PLCXD1: variants seen among roughly 807,000 people sequenced by gnomAD.
PLCXD1 encodes phosphatidylinositol specific phospholipase C X domain containing 1.
In PLCXD1, 45 loss-of-function variants were observed where a neutral mutation model predicts 37.8. The ratio of observed to expected loss-of-function variants is 1.19; its 90% confidence interval spans 0.94 to 1.53. PLCXD1 has a LOEUF of 1.53. PLCXD1 is among the 40% of genes most tolerant of loss of function. The probability of loss-of-function intolerance (pLI) is 0.00; values close to 1 mark genes in which losing one functional copy is unlikely to be tolerated. For synonymous variants in PLCXD1, 246 were observed against 206.9 expected, an observed-to-expected ratio of 1.19 and a Z score of -1.62; for missense variants, 539 against 454.7, an observed-to-expected ratio of 1.19 and a Z score of -1.69.
rs369707291 is a variant in PLCXD1, at chrX:299,287, C to G, written c.924C>G (p.Gly308=). 2 of 1,613,800 alleles carry G rather than the reference C, an allele frequency of 1.2e-6. No individual in the cohort carries two copies. Residue 308 remains glycine, a synonymous_variant, in exon 7 of 7, where the codon GGC becomes GGG. Transcript: ENST00000381657. ...CGGGGGACTTCATCGGCGCAGACGG[C>G]TTCGTCAGTGACGTCATCGCGCTCA... ...IIAGDFIGAD[G]FVSDVIALNQ... is the part of the protein sequence containing the mutation.
Position 299,084 on chromosome X carries a change from C to G in PLCXD1, c.734-13C>G. On this transcript the variant is annotated splice_polypyrimidine_tract_variant and intron_variant, in intron 6 of 6. Transcript: ENST00000381657. ...CGTGACCGTGTAACCTCTCCCCACC[C>G]TCACCGTTGCAGGAGGGTTGTTCGT... is the stretch of plus-strand genomic sequence containing the variant. 1 of 1,601,612 alleles carries G rather than the reference C, an allele frequency of 6.2e-7. No homozygotes were observed. Among genetic ancestry groups the G allele is most frequent in the Non-Finnish European group, 8.6e-7 (1 of 1,168,680 alleles).
chrX:295,874 C>T (rs2069790302), intron 6 of PLCXD1, among the ~76,000 whole-genome samples: 1 of 151,876 alleles, frequency 6.6e-6, no homozygotes, highest in South Asian at 2.1e-4. Context: ...GAGTTTTGCT[C>T]TTGTTGCCCA....
intron 2 of PLCXD1, among the ~76,000 whole-genome samples, chrX:287,232 T>G (rs1330742041): frequency 7.0e-6 from 1 of 142,710 alleles, no homozygotes; most frequent in Non-Finnish European, 1.5e-5. Flanking sequence ...TATTTATATT[T>G]ATATATAATA....
rs1398161775 is a variant in PLCXD1 at position 299,350 on chromosome X, A to C, written c.*15A>C. The C allele has an allele frequency of 6.3e-7, 1 of 1,576,900 alleles. No homozygotes were observed. Among genetic ancestry groups the C allele is most frequent in the Non-Finnish European group, 8.7e-7 (1 of 1,146,386 alleles). On this transcript the variant is annotated 3_prime_UTR_variant, in exon 7 of 7. Transcript: ENST00000381657. The stretch of plus-strand genomic sequence containing the variant: ...TGTGGTGCTGACGGGACCCTTCTGA[A>C]GTTCGGGACGCGGCGGCTGCAGTTT...
chrX:288,992 C>T (rs1045024174), intron 3 of PLCXD1, 123 bp downstream of exon 3: 151 of 906,816 alleles, frequency 1.7e-4, no homozygotes, highest in Non-Finnish European at 2.5e-4. Context: ...GCTCAGGAGG[C>T]AGGTTCCTAT....
chrX:277,317 C>G (rs1433627092), upstream of PLCXD1, among the ~76,000 whole-genome samples: 21 of 44,592 alleles, frequency 4.7e-4, no homozygotes, highest in East Asian at 8.9e-4. Context: ...GGTCAGGGGA[C>G]CTGGGATGTG....
intron 3 of PLCXD1, among the ~76,000 whole-genome samples, chrX:290,172 A>C (rs771613435): frequency 3.0e-4 from 46 of 152,100 alleles, no homozygotes; most frequent in African/African-American, 1.1e-3. Context: ...TCACGCCTGT[A>C]ATCCCAGCAC....
chrX:277,422 GGCACGTGGGGAC>G (rs2069179944), upstream of PLCXD1, among the ~76,000 whole-genome samples: 1 of 25,222 alleles, frequency 4.0e-5, no homozygotes, highest in African/African-American at 1.1e-4. Context: ...GAGGGGTCAG[GGCACGTGGGGAC>G]AGGAGTGGAC....
upstream of PLCXD1, among the ~76,000 whole-genome samples, chrX:279,812 GA>G (rs2069225051): frequency 6.6e-6 from 1 of 151,892 alleles, no homozygotes. Flanking sequence ...GTTATTAGTA[GA>G]AAGGAATATC....
intron 3 of PLCXD1, among the ~76,000 whole-genome samples, chrX:289,542 T>TTG (rs2069562315): frequency 7.1e-6 from 1 of 140,022 alleles, no homozygotes; most frequent in African/African-American, 2.7e-5. Context: ...AGACGGAGTC[T>TTG]CACTGCCGCC....
Position 293,097 on chromosome X carries a change from C to CGA in PLCXD1, c.616_617dup (p.Ser206ArgfsTer22). ...AACAGGTCATCGTCTCCTATGAAGACGAGAGCTCCTTGCGCCGGCACCACG... is the reference window on the plus strand; with the variant it reads ...AACAGGTCATCGTCTCCTATGAAGACGAGAGAGCTCCTTGCGCCGGCACCACG... On this transcript the variant is annotated frameshift_variant, in exon 6 of 7. Coordinates refer to ENST00000381657, the MANE Select transcript of PLCXD1 (RefSeq NM_018390.4). LOFTEE classifies it high-confidence loss of function. 6.8e-6 allele frequency: 11 copies of CGA among 1,611,950 alleles called. No individual in the cohort carries two copies. The highest frequency in any genetic ancestry group is 9.3e-6 in the Non-Finnish European group (11 of 1,179,612).
rs1401595481 is a variant in PLCXD1 at position 292,757 on chromosome X, C to T, written c.550-278C>T. Reference sequence around the variant, plus strand: ...CCTTCTGACTAGCCGGGATGACAGGCGTGCACCACCGCACCCGGCCAATTT... The same window carrying T: ...CCTTCTGACTAGCCGGGATGACAGGTGTGCACCACCGCACCCGGCCAATTT... On this transcript the variant is annotated intron_variant, in intron 5 of 6. Coordinates refer to ENST00000381657, the MANE Select transcript of PLCXD1 (RefSeq NM_018390.4). Among the ~76,000 whole-genome samples, 6 of 152,028 alleles carry T rather than the reference C, an allele frequency of 3.9e-5. No individual in the cohort carries two copies. The East Asian group carries it at 7.9e-4, about 20-fold the overall frequency.
At position 286,185 on chromosome X, in the gene PLCXD1, C is replaced by T. The variant is rs750576778; in HGVS notation, c.127+1871C>T. Among the ~76,000 whole-genome samples, 85 of 152,158 alleles carry T rather than the reference C, an allele frequency of 5.6e-4. No homozygotes were observed. In the East Asian group the frequency reaches 0.014, roughly 25 times the overall value. The stretch of plus-strand genomic sequence containing the variant: ...GTTCAAGCGATTCTCCTGCCTCAGC[C>T]TCCCGAGTAGCTGGGATTACAGGCA... On this transcript the variant is annotated intron_variant, in intron 2 of 6. Coordinates refer to ENST00000381657, the MANE Select transcript of PLCXD1 (RefSeq NM_018390.4).
intron 2 of PLCXD1, among the ~76,000 whole-genome samples, chrX:284,898 C>G (rs1466710303): frequency 3.3e-5 from 5 of 152,192 alleles, no homozygotes; most frequent in Non-Finnish European, 5.9e-5. Context: ...GTACAACCAT[C>G]AGATCTCGTG....
upstream of PLCXD1, among the ~76,000 whole-genome samples, chrX:279,465 C>G (rs2069216436): frequency 6.6e-6 from 1 of 152,126 alleles, no homozygotes; most frequent in South Asian, 2.1e-4. Flanking sequence ...TTCTGACTGG[C>G]AATTGGTTGA....
intron 2 of PLCXD1, among the ~76,000 whole-genome samples, chrX:287,217 A>G (rs1462494909): frequency 6.9e-6 from 1 of 145,754 alleles, no homozygotes; most frequent in African/African-American, 2.6e-5. Context: ...ATATATAAAC[A>G]TACATATTTA....
At chrX:285,123 T>A (rs1416591236) in intron 2 of PLCXD1, among the ~76,000 whole-genome samples, 1 of 83,582 alleles carries the variant, frequency 1.2e-5, no homozygotes, top group Non-Finnish European at 2.4e-5. Context: ...CACACATGCA[T>A]GCGCACACAC....
In PLCXD1 at chrX:291,613, T is replaced by C. The variant is rs756954890; in HGVS notation, c.508T>C (p.Cys170Arg). Reference sequence around the variant, plus strand: ...GGACCTGCACGAGTACCTGGTCGCCTGTATCAAGAACATCTTCGGGGACAT... The same window carrying C: ...GGACCTGCACGAGTACCTGGTCGCCCGTATCAAGAACATCTTCGGGGACAT... ...SEDLHEYLVA[C>R]IKNIFGDMLC... is the part of the protein sequence containing the mutation. Residue 170 changes from cysteine to arginine, a missense_variant, in exon 5 of 7, where the codon TGT becomes CGT. Cys to Arg is a radical substitution (Grantham distance 180, BLOSUM62 -3). Coordinates refer to ENST00000381657, the MANE Select transcript of PLCXD1 (RefSeq NM_018390.4). 6.2e-7 allele frequency: 1 copy of C among 1,612,974 alleles called. No individual in the cohort carries two copies. Among genetic ancestry groups the C allele is most frequent in the Non-Finnish European group, 8.5e-7 (1 of 1,179,846 alleles).
At chrX:287,596 G>C (rs1192504577) in intron 2 of PLCXD1, among the ~76,000 whole-genome samples, 10 of 56,216 alleles carry the variant, frequency 1.8e-4, no homozygotes, top group Middle Eastern at 0.016. Flanking sequence ...TACTATATAT[G>C]TTTATATATA....
Sources: allele counts gnomAD v4.1 joint callset (sites outside exome capture counted in the v4.1 genomes callset), GRCh38; gene constraint gnomAD v4.1.1; transcripts MANE v1.5; gene names NCBI Gene and HGNC (gene_info 2026-07-23, HGNC 2026-07-21).